MPP7: variants seen among roughly 807,000 people sequenced by gnomAD.
MPP7 encodes MAGUK p55 scaffold protein 7, also known as MAGUK p55 subfamily member 7.
Under a neutral mutation model 76.5 loss-of-function variants are expected in MPP7, and 60 were observed. The ratio of observed to expected loss-of-function variants is 0.78; its 90% confidence interval spans 0.64 to 0.97. MPP7 has a LOEUF of 0.97. Among genes scored for constraint, MPP7 ranks in the 50% least tolerant of loss-of-function variants. The pLI, the probability that MPP7 is intolerant of heterozygous loss-of-function variation, is 0.00. For synonymous variants in MPP7, 237 were observed against 244.5 expected (o/e 0.97, Z 0.29); for missense variants, 641 against 694.0 (o/e 0.92, Z 0.86).
rs140970345 is a variant in MPP7 at position 28,269,934 on chromosome 10, G to C, written c.-131-31199C>G. The stretch of plus-strand genomic sequence containing the variant: ...CAAAGACAGGATATCAGGACAGAAA[G>C]AGACCTGAGTTGGAGTTAGGGAATG... On this transcript the variant is annotated intron_variant, in intron 1 of 16. Coordinates refer to ENST00000683449, the MANE Select transcript of MPP7 (RefSeq NM_001318170.2). Among the ~76,000 whole-genome samples, 35 of 152,290 alleles carry C rather than the reference G, an allele frequency of 2.3e-4. 1 individual carries two copies. The highest frequency in any genetic ancestry group is 8.2e-4 in the African/African-American group (34 of 41,570).
chr10:28,178,024 T>C (rs1836933702), intron 3 of MPP7, among the ~76,000 whole-genome samples: 1 of 152,104 alleles, frequency 6.6e-6, no homozygotes, highest in African/African-American at 2.4e-5. Flanking sequence ...ATTTGCAATC[T>C]CTCCTCCTGT....
At chr10:28,290,474 T>G (rs997164111) in intron 1 of MPP7, among the ~76,000 whole-genome samples, 1 of 152,008 alleles carries the variant, frequency 6.6e-6, no homozygotes, top group African/African-American at 2.4e-5. Flanking sequence ...TAATCAGATT[T>G]TGTTTTGTTT....
intron 1 of MPP7, among the ~76,000 whole-genome samples, chr10:28,272,908 TG>T (rs1288610820): frequency 4.1e-5 from 6 of 147,408 alleles, no homozygotes; most frequent in Admixed American, 2.0e-4. Context: ...CAAAATGGTT[TG>T]TTTTTTTTGT....
chr10:28,316,538 T>TAA (rs1209179561), intron 2 of MPP7, among the ~76,000 whole-genome samples: 3 of 149,494 alleles, frequency 2.0e-5, no homozygotes, highest in Non-Finnish European at 4.4e-5. Flanking sequence ...GCTGATTCAT[T>TAA]AATTATAACA....
rs201763539 is a variant in MPP7, at chr10:28,228,760, C to CA, written c.37+9807dup. Among the ~76,000 whole-genome samples the CA allele has an allele frequency of 7.0e-3, 1,049 of 149,062 alleles. 23 individuals are homozygous for CA. Among genetic ancestry groups the CA allele is most frequent in the Admixed American group, 0.047 (704 of 14,970 alleles). On this transcript the variant is annotated intron_variant, in intron 2 of 16. Transcript: ENST00000683449. ...TGGGTGACAGAGTGAGACTCCATCT[C>CA]AAAAAAAACAGAAAAAAAGAAAAGA...
At chr10:28,082,264 G>A (rs1852798320) in intron 12 of MPP7, among the ~76,000 whole-genome samples, 1 of 152,176 alleles carries the variant, frequency 6.6e-6, no homozygotes, top group Non-Finnish European at 1.5e-5. Flanking sequence ...TAAACTTCTA[G>A]ATAATCTAAT....
chr10:28,112,924 T>C (rs1308596656), intron 11 of MPP7, among the ~76,000 whole-genome samples: 1 of 152,202 alleles, frequency 6.6e-6, no homozygotes, highest in African/African-American at 2.4e-5. Context: ...CTTTCTCATA[T>C]CAGAAACAGG....
At chr10:28,092,731 C>T (rs1038980746) in intron 11 of MPP7, among the ~76,000 whole-genome samples, 2 of 139,180 alleles carry the variant, frequency 1.4e-5, no homozygotes, top group African/African-American at 5.5e-5. Context: ...TGCCACCACA[C>T]CTGGCTCAAT....
At chr10:28,244,623 A>G (rs1839372926) in intron 1 of MPP7, among the ~76,000 whole-genome samples, 1 of 152,208 alleles carries the variant, frequency 6.6e-6, no homozygotes. Context: ...GAAATGCTGA[A>G]GCAACAGAAA....
intron 1 of MPP7, among the ~76,000 whole-genome samples, chr10:28,297,973 C>T (rs745994742): frequency 6.6e-6 from 1 of 152,136 alleles, no homozygotes; most frequent in East Asian, 1.9e-4. Context: ...TTCATCCATT[C>T]GAGTTTGATA....
chr10:28,174,851 T>G (rs993092276), intron 3 of MPP7, among the ~76,000 whole-genome samples: 1 of 152,216 alleles, frequency 6.6e-6, no homozygotes, highest in Non-Finnish European at 1.5e-5. Context: ...GACAGTTGAA[T>G]AGATAAATTG....
At position 28,302,856 on chromosome 10, in the gene MPP7, A is replaced by G. The variant is rs568373281; in HGVS notation, c.-132+5T>C. On this transcript the variant is annotated splice_donor_5th_base_variant and intron_variant, in intron 1 of 16. Coordinates refer to ENST00000683449, the MANE Select transcript of MPP7 (RefSeq NM_001318170.2). ...GACAGGCGCTCCCCAGAGGCGCCCC[A>G]TTACCTGCTCTGGGCTGCCGCGGTC... Among the ~76,000 whole-genome samples the G allele has an allele frequency of 6.6e-6, 1 of 152,126 alleles. No homozygotes were observed. The highest frequency in any genetic ancestry group is 1.5e-5 in the Non-Finnish European group (1 of 67,970).
At chr10:28,285,429 T>C (rs7918097) in intron 1 of MPP7, among the ~76,000 whole-genome samples, 35,488 of 151,986 alleles carry the variant, frequency 0.23, 4,566 homozygotes, top group East Asian at 0.55. Context: ...AGATGATCCG[T>C]CCACCTCGGC....
chr10:28,142,560 G>C lies in MPP7; in HGVS notation c.315+4923C>G, dbSNP rs76195890. Among the ~76,000 whole-genome samples the C allele has an allele frequency of 9.7e-3, 1,468 of 152,110 alleles. 37 individuals are homozygous for C. Among genetic ancestry groups the C allele is most frequent in the East Asian group, 0.075 (389 of 5,156 alleles). On this transcript the variant is annotated intron_variant, in intron 5 of 16. Transcript: ENST00000683449. The stretch of plus-strand genomic sequence containing the variant: ...AGCCTGGCCAACATGTCAAAACCCC[G>C]AATTGTCAAAAAACACAAGAATTAG...
intron 1 of MPP7, among the ~76,000 whole-genome samples, chr10:28,240,925 T>C (rs1839247316): frequency 6.6e-6 from 1 of 152,136 alleles, no homozygotes; most frequent in Non-Finnish European, 1.5e-5. Flanking sequence ...TATATATGCA[T>C]GTATGTTTGT....
At chr10:28,202,827 T>C (rs1463598829) in intron 2 of MPP7, 1 of 150,530 alleles carries the variant, frequency 6.6e-6, no homozygotes, top group African/African-American at 2.4e-5. Context: ...TATAGTCAAC[T>C]ATCAAAAAAA....
At chr10:28,090,304 A>G (rs1853235369) in intron 11 of MPP7, among the ~76,000 whole-genome samples, 3 of 152,214 alleles carry the variant, frequency 2.0e-5, no homozygotes, top group Admixed American at 2.0e-4. Flanking sequence ...TAAGAAAAAA[A>G]TAATAGTACA....
intron 12 of MPP7, 45 bp downstream of exon 12, chr10:28,089,626 A>G (rs1853188985): frequency 1.3e-6 from 2 of 1,556,738 alleles, no homozygotes; most frequent in Non-Finnish European, 1.8e-6. Context: ...AATTCTTACT[A>G]GCTCACTCAT....
At chr10:28,226,854 C>A (rs11006929) in intron 2 of MPP7, among the ~76,000 whole-genome samples, 1 of 152,058 alleles carries the variant, frequency 6.6e-6, no homozygotes, top group South Asian at 2.1e-4. Context: ...ATATTATGCA[C>A]TGATAAAGAT....
Sources: gnomAD v4.1 joint callset for allele counts (sites outside exome capture counted in the v4.1 genomes callset) on GRCh38, gnomAD v4.1.1 for gene constraint, MANE v1.5 for transcripts, NCBI Gene and HGNC (gene_info 2026-07-23, HGNC 2026-07-21) for gene names.